KCTD1: variants seen among roughly 807,000 people sequenced by gnomAD.
The protein encoded by KCTD1 is potassium channel tetramerization domain containing 1, also known as BTB/POZ domain-containing protein KCTD1.
Under a neutral mutation model 66.0 loss-of-function variants are expected in KCTD1, and 24 were observed. That is an observed-to-expected ratio of 0.36 (90% CI 0.26 to 0.51). The LOEUF (loss-of-function observed/expected upper bound fraction) is 0.51, where lower values mean the gene tolerates loss of function less well. KCTD1 is among the 20% of genes least tolerant of loss of function. The pLI is 0.95. For missense variants in KCTD1, 943 were observed against 1,205.2 expected (o/e 0.78, Z 3.22); for synonymous variants, 511 against 517.2 (o/e 0.99, Z 0.16).
chr18:26,474,875 T>C (rs1390787728), intron 3 of KCTD1, among the ~76,000 whole-genome samples: 2 of 152,236 alleles, frequency 1.3e-5, no homozygotes, highest in Non-Finnish European at 2.9e-5. Context: ...CATAATACTT[T>C]TATTGCCCTC....
chr18:26,607,109 AC>A (rs751711240), intron 1 of KCTD1, among the ~76,000 whole-genome samples: 2 of 152,158 alleles, frequency 1.3e-5, no homozygotes, highest in Non-Finnish European at 2.9e-5. Flanking sequence ...ATCATAGCTC[AC>A]TGTCACCTCT....
At chr18:26,462,513 C>T (rs1171604017) in intron 3 of KCTD1, among the ~76,000 whole-genome samples, 1 of 152,238 alleles carries the variant, frequency 6.6e-6, no homozygotes, top group Non-Finnish European at 1.5e-5. Context: ...TCATGCTTCT[C>T]TCTGGTGACT....
chr18:26,519,670 C>T (rs541168372), intron 1 of KCTD1, among the ~76,000 whole-genome samples: 4 of 152,276 alleles, frequency 2.6e-5, no homozygotes, highest in Admixed American at 2.0e-4. Flanking sequence ...TTCATGTACT[C>T]GGACTGTGGG....
upstream of KCTD1, among the ~76,000 whole-genome samples, chr18:26,640,821 G>A (rs756189680): frequency 3.9e-5 from 6 of 152,136 alleles, no homozygotes; most frequent in Non-Finnish European, 7.4e-5. Flanking sequence ...TTGTTCTAAA[G>A]TCAAGGAACA....
At chr18:26,506,632 A>T (rs1023871062) in intron 1 of KCTD1, among the ~76,000 whole-genome samples, 4 of 152,220 alleles carry the variant, frequency 2.6e-5, no homozygotes, top group African/African-American at 9.6e-5. Context: ...CACAGAATTA[A>T]ATGATAATTT....
At chr18:26,599,432 C>G in intron 1 of KCTD1, 1 of 1,611,758 alleles carries the variant, frequency 6.2e-7, no homozygotes, top group Non-Finnish European at 8.5e-7. Context: ...TCTCTGCTGG[C>G]CAGTTTGTGG....
chr18:26,645,220 T>C (rs959235204), upstream of KCTD1, among the ~76,000 whole-genome samples: 1 of 152,162 alleles, frequency 6.6e-6, no homozygotes, highest in East Asian at 1.9e-4. Flanking sequence ...CCAGGGTTAT[T>C]TGACTGACTA....
chr18:26,457,009 C>T (rs1270928573), intron 4 of KCTD1: 1 of 151,146 alleles, frequency 6.6e-6, no homozygotes. Flanking sequence ...TAAAGTGAAT[C>T]CTTACTTTTT....
At chr18:26,568,471 A>C (rs1986033006) in intron 1 of KCTD1, among the ~76,000 whole-genome samples, 1 of 152,022 alleles carries the variant, frequency 6.6e-6, no homozygotes, top group African/African-American at 2.4e-5. Flanking sequence ...TCCTGGGCTC[A>C]AGCAATCCAC....
intron 1 of KCTD1, among the ~76,000 whole-genome samples, chr18:26,612,802 C>A (rs1987164940): frequency 6.6e-6 from 1 of 152,226 alleles, no homozygotes; most frequent in Non-Finnish European, 1.5e-5. Context: ...TGAGCAGGAG[C>A]AAGCATAGGG....
chr18:26,549,823 G>A, upstream of KCTD1: 1 of 985,348 alleles, frequency 1.0e-6, no homozygotes, highest in African/African-American at 1.7e-5. Flanking sequence ...AGCAGCCAAA[G>A]AGCTCGCCGG....
intron 1 of KCTD1, among the ~76,000 whole-genome samples, chr18:26,635,859 C>A (rs1398386561): frequency 6.6e-6 from 1 of 152,128 alleles, no homozygotes; most frequent in Non-Finnish European, 1.5e-5. Context: ...CTTAAAAGAG[C>A]CCTGGGAGAT....
chr18:26,556,994 G>A lies in KCTD1; in HGVS notation c.-15-55744C>T, dbSNP rs139904246. On this transcript the variant is annotated intron_variant, in intron 1 of 4. Coordinates refer to the KCTD1 transcript ENST00000317932. ...AATCAGTGGATTTTTGGCAAACTCC[G>A]CCAAGCACCTGCTAAGAGACAGGAA... Among the ~76,000 whole-genome samples the A allele has an allele frequency of 1.2e-4, 18 of 152,182 alleles. No homozygotes were observed. In the East Asian group the frequency reaches 2.9e-3, roughly 24 times the overall value.
intron 1 of KCTD1, among the ~76,000 whole-genome samples, chr18:26,608,319 A>C (rs1187315793): frequency 1.3e-5 from 2 of 152,198 alleles, no homozygotes; most frequent in Non-Finnish European, 2.9e-5. Flanking sequence ...ATGGCTGAGA[A>C]AATTGTTCTA....
At chr18:26,537,612 GAAGTC>G (rs759497844) in intron 1 of KCTD1, among the ~76,000 whole-genome samples, 4 of 152,228 alleles carry the variant, frequency 2.6e-5, no homozygotes, top group Admixed American at 1.3e-4. Flanking sequence ...ATCGAAGGCA[GAAGTC>G]AAGTATTAGA....
chr18:26,587,482 T>C (rs1986496683), intron 1 of KCTD1, among the ~76,000 whole-genome samples: 1 of 152,230 alleles, frequency 6.6e-6, no homozygotes, highest in African/African-American at 2.4e-5. Flanking sequence ...CATAAATCAG[T>C]AGTAATTTTG....
rs114785571 is a variant in KCTD1, at chr18:26,564,078, A to G, written c.-15-62828T>C. ...GCTACTGGCACGTAGAAGGTATTTG[A>G]CAGATGTTTCTTGCATGTATTGTAA... On this transcript the variant is annotated intron_variant, in intron 1 of 4. Transcript: ENST00000317932. Among the ~76,000 whole-genome samples, 94 of 150,234 alleles carry G rather than the reference A, an allele frequency of 6.3e-4. 1 individual carries two copies. Among genetic ancestry groups the G allele is most frequent in the African/African-American group, 2.2e-3 (91 of 40,610 alleles).
chr18:26,643,728 C>G (rs983628388), upstream of KCTD1, among the ~76,000 whole-genome samples: 1 of 152,130 alleles, frequency 6.6e-6, no homozygotes, highest in African/African-American at 2.4e-5. Context: ...TTTGGGAGGC[C>G]AAGGCGGGCA....
At chr18:26,582,828 T>A (rs1262831600) in intron 1 of KCTD1, among the ~76,000 whole-genome samples, 1 of 152,048 alleles carries the variant, frequency 6.6e-6, no homozygotes, top group African/African-American at 2.4e-5. Context: ...AAAGGATTTA[T>A]ATGGAGTTCT....
Sources: gnomAD v4.1 joint callset for allele counts (sites outside exome capture counted in the v4.1 genomes callset) on GRCh38, gnomAD v4.1.1 for gene constraint, MANE v1.5 for transcripts, NCBI Gene and HGNC (gene_info 2026-07-23, HGNC 2026-07-21) for gene names.